Variants in RORA observed in about 807,000 individuals in gnomAD.
RORA encodes RAR related orphan receptor A.
In RORA, 7 loss-of-function variants were observed where a neutral mutation model predicts 69.5. The ratio of observed to expected loss-of-function variants is 0.10; its 90% CI spans 0.06 to 0.19. The LOEUF is 0.19. Among genes scored for constraint, RORA ranks in the 10% least tolerant of loss-of-function variants. The pLI is 1.00. For missense variants in RORA, 457 were observed against 663.0 expected, an observed-to-expected ratio of 0.69 and a Z score of 3.41; for synonymous variants, 261 against 240.8, an observed-to-expected ratio of 1.08 and a Z score of -0.78.
intron 2 of RORA, among the ~76,000 whole-genome samples, chr15:60,660,753 G>A (rs200282134): frequency 6.6e-6 from 1 of 150,698 alleles, no homozygotes. Flanking sequence ...CACACTGAAA[G>A]AAAAAAAAAA....
chr15:60,690,078 G>C (rs1486830790), intron 1 of RORA, among the ~76,000 whole-genome samples: 1 of 152,164 alleles, frequency 6.6e-6, no homozygotes, highest in Non-Finnish European at 1.5e-5. Context: ...TTACTACAAA[G>C]GTCCAGGAAA....
rs370911359 is a variant in RORA, at chr15:61,021,900, G to A, written c.166+207153C>T. On this transcript the variant is annotated intron_variant, in intron 1 of 10. Coordinates refer to ENST00000335670, the MANE Select transcript of RORA (RefSeq NM_134261.3). ...TCCAATTTCTTCTTACTGGTGCACT[G>A]GGATTTTGAGGGCGGGCACTATACA... is the stretch of plus-strand genomic sequence containing the variant. Among the ~76,000 whole-genome samples the A allele has an allele frequency of 1.2e-3, 180 of 152,318 alleles. 1 individual carries two copies. Among genetic ancestry groups the A allele is most frequent in the African/African-American group, 4.1e-3 (171 of 41,578 alleles).
chr15:60,730,147 G>A (rs1431086983), intron 1 of RORA, among the ~76,000 whole-genome samples: 2 of 152,208 alleles, frequency 1.3e-5, no homozygotes, highest in Non-Finnish European at 2.9e-5. Context: ...GAGGCTGCAA[G>A]CATCTTGTCT....
At chr15:60,920,578 T>C (rs1566909789) in intron 1 of RORA, among the ~76,000 whole-genome samples, 2 of 152,138 alleles carry the variant, frequency 1.3e-5, no homozygotes, top group African/African-American at 2.4e-5. Context: ...CACTAAGATA[T>C]GACAGATGTG....
intron 2 of RORA, among the ~76,000 whole-genome samples, chr15:60,677,692 T>C (rs564530400): frequency 8.6e-5 from 13 of 151,654 alleles, no homozygotes; most frequent in African/African-American, 3.1e-4. Context: ...TTTGATGTAA[T>C]ACAGATGTTT....
chr15:60,903,726 T>C (rs922574268), intron 1 of RORA, among the ~76,000 whole-genome samples: 2 of 152,134 alleles, frequency 1.3e-5, no homozygotes, highest in African/African-American at 4.8e-5. Flanking sequence ...ATTAAAGGGG[T>C]GATTACCTTC....
At chr15:60,708,382 AC>A (rs2071096302) in intron 1 of RORA, among the ~76,000 whole-genome samples, 1 of 148,396 alleles carries the variant, frequency 6.7e-6, no homozygotes, top group African/African-American at 2.5e-5. Context: ...AGATGGCACC[AC>A]CGCACTCCAG....
intron 1 of RORA, among the ~76,000 whole-genome samples, chr15:61,180,961 G>T (rs1464129558): frequency 1.3e-5 from 2 of 152,040 alleles, no homozygotes; most frequent in African/African-American, 4.8e-5. Context: ...AAAATTATCT[G>T]GGTGTGGTGG....
At chr15:60,903,982 A>T (rs908786845) in intron 1 of RORA, among the ~76,000 whole-genome samples, 1 of 152,188 alleles carries the variant, frequency 6.6e-6, no homozygotes, top group African/African-American at 2.4e-5. Context: ...CAATAATAAC[A>T]ATCCTCAGGT....
intron 3 of RORA, among the ~76,000 whole-genome samples, chr15:60,517,790 G>A (rs969445741): frequency 1.3e-5 from 2 of 152,188 alleles, no homozygotes; most frequent in Non-Finnish European, 2.9e-5. Flanking sequence ...CTGAAGTTGA[G>A]TTTTGTTTGC....
At chr15:60,540,570 C>CT (rs1567071342) in intron 2 of RORA, among the ~76,000 whole-genome samples, 1 of 63,158 alleles carries the variant, frequency 1.6e-5, no homozygotes, top group East Asian at 6.0e-3. Context: ...CATGACCCCC[C>CT]CCCCCCAAAA....
intron 1 of RORA, among the ~76,000 whole-genome samples, chr15:61,044,593 TC>T (rs1896937271): frequency 6.6e-6 from 1 of 152,230 alleles, no homozygotes; most frequent in South Asian, 2.1e-4. Context: ...AAAATGTATC[TC>T]CAAAATTAAT....
chr15:60,546,963 T>A (rs1240854614), intron 2 of RORA, among the ~76,000 whole-genome samples: 1 of 152,204 alleles, frequency 6.6e-6, no homozygotes, highest in African/African-American at 2.4e-5. Flanking sequence ...CGTAGCATTT[T>A]GTTAGGGGAG....
chr15:61,125,335 G>T (rs1183188954), intron 1 of RORA, among the ~76,000 whole-genome samples: 1 of 152,156 alleles, frequency 6.6e-6, no homozygotes, highest in Non-Finnish European at 1.5e-5. Context: ...AGGTAGAAAG[G>T]TGTTATCAAA....
intron 1 of RORA, among the ~76,000 whole-genome samples, chr15:60,738,744 G>T (rs1328445484): frequency 6.6e-6 from 1 of 152,220 alleles, no homozygotes; most frequent in Non-Finnish European, 1.5e-5. Flanking sequence ...CCACTCACTG[G>T]TGGCTTACAC....
intron 1 of RORA, among the ~76,000 whole-genome samples, chr15:60,836,000 G>A (rs1276174896): frequency 2.0e-5 from 3 of 152,174 alleles, no homozygotes; most frequent in Middle Eastern, 3.2e-3. Context: ...AGTGTTGCCC[G>A]ATCACTTACT....
intron 1 of RORA, among the ~76,000 whole-genome samples, chr15:60,949,170 C>T (rs180853558): frequency 6.6e-6 from 1 of 152,248 alleles, no homozygotes; most frequent in Non-Finnish European, 1.5e-5. Flanking sequence ...TAGCACACAC[C>T]CCCTATGACA....
In RORA at chr15:60,726,532, C is replaced by G. The variant is rs149516988; in HGVS notation, c.167-47846G>C. 3.4e-3 allele frequency among the ~76,000 whole-genome samples: 525 copies of G among 152,308 alleles called. 4 individuals are homozygous for G. The highest frequency in any genetic ancestry group is 0.012 in the African/African-American group (489 of 41,562). ...CTTACGTGAAAGCCAGCTGGGCCAG[C>G]AGGACTCATTTCCCTTTCGTTGCTG... On this transcript the variant is annotated intron_variant, in intron 1 of 10. Coordinates refer to ENST00000335670, the MANE Select transcript of RORA (RefSeq NM_134261.3).
At position 61,139,702 on chromosome 15, in the gene RORA, A is replaced by G. The variant is rs542242330; in HGVS notation, c.166+89351T>C. Among the ~76,000 whole-genome samples, 5 of 152,286 alleles carry G rather than the reference A, an allele frequency of 3.3e-5. No individual in the cohort carries two copies. In the South Asian group the frequency reaches 1.0e-3, roughly 32 times the overall value. ...GGAACCCCTTGCTCACCAACCTCTT[A>G]ATGAAATCGAGAGAGTCGACTACTC... On this transcript the variant is annotated intron_variant, in intron 1 of 10. Coordinates refer to ENST00000335670, the MANE Select transcript of RORA (RefSeq NM_134261.3).
Sources: allele counts gnomAD v4.1 joint callset (sites outside exome capture counted in the v4.1 genomes callset), GRCh38; gene constraint gnomAD v4.1.1; transcripts MANE v1.5; gene names NCBI Gene and HGNC (gene_info 2026-07-23, HGNC 2026-07-21).